Variants in EXOC6 observed in about 807,000 individuals in gnomAD.
EXOC6 encodes SEC15-like 1.
A neutral mutation model predicts 112.5 loss-of-function variants in EXOC6; 60 were observed. The observed-to-expected ratio is 0.53, with a 90% CI of 0.43 to 0.66. The LOEUF (loss-of-function observed/expected upper bound fraction) is 0.66. Ranked by LOEUF, EXOC6 falls within the 30% of genes least tolerant of loss-of-function variation. The pLI is 0.00. For synonymous variants in EXOC6, 295 were observed against 308.0 expected (o/e 0.96, Z 0.44); for missense variants, 855 against 957.1 (o/e 0.89, Z 1.41).
At chr10:92,928,488 C>A in intron 9 of EXOC6, 66 bp downstream of exon 9, 1 of 935,954 alleles carries the variant, frequency 1.1e-6, no homozygotes, top group Non-Finnish European at 1.7e-6. Flanking sequence ...GTTTTAATTT[C>A]TTCAAAGCAT....
At chr10:92,929,814 T>C (rs1041906187) in intron 9 of EXOC6, among the ~76,000 whole-genome samples, 1 of 152,076 alleles carries the variant, frequency 6.6e-6, no homozygotes, top group African/African-American at 2.4e-5. Flanking sequence ...GAAGGAAAAA[T>C]TACTGAAGTG....
At chr10:92,975,985 GC>G (rs1842574225) in intron 18 of EXOC6, among the ~76,000 whole-genome samples, 1 of 140,498 alleles carries the variant, frequency 7.1e-6, no homozygotes, top group South Asian at 2.3e-4. Flanking sequence ...CTGCCCAGCC[GC>G]CCCTACTGGG....
intron 20 of EXOC6, among the ~76,000 whole-genome samples, chr10:93,056,382 T>C (rs56280958): frequency 0.053 from 8,073 of 152,246 alleles, 357 homozygotes; most frequent in East Asian, 0.13. Flanking sequence ...CTACAGAGGA[T>C]CTATCACCAG....
At chr10:92,945,008 G>A (rs1339144894) in intron 13 of EXOC6, among the ~76,000 whole-genome samples, 1 of 152,042 alleles carries the variant, frequency 6.6e-6, no homozygotes, top group Admixed American at 6.6e-5. Context: ...CCGACCTCAG[G>A]TGATCTGCCT....
intron 19 of EXOC6, among the ~76,000 whole-genome samples, chr10:93,006,842 A>C: frequency 6.6e-6 from 1 of 152,230 alleles, no homozygotes; most frequent in East Asian, 1.9e-4. Flanking sequence ...TTATTTAGTT[A>C]CAGAATTATT....
intron 18 of EXOC6, among the ~76,000 whole-genome samples, chr10:92,991,695 T>A (rs968817266): frequency 1.3e-5 from 2 of 151,068 alleles, no homozygotes; most frequent in Non-Finnish European, 2.9e-5. Flanking sequence ...CAGGAAAAAA[T>A]TTTTCAACTT....
chr10:92,904,643 T>C (rs987497686), intron 5 of EXOC6, among the ~76,000 whole-genome samples: 4 of 152,102 alleles, frequency 2.6e-5, no homozygotes, highest in Non-Finnish European at 5.9e-5. Context: ...ATTTTTGGAT[T>C]GTTGAGTTTT....
rs1036233606 is a variant in EXOC6, at chr10:92,925,874, G to C, written c.889-2465G>C. Among the ~76,000 whole-genome samples, 10 of 151,924 alleles carry C rather than the reference G, an allele frequency of 6.6e-5. 1 individual carries two copies. Among genetic ancestry groups the C allele is most frequent in the African/African-American group, 2.4e-4 (10 of 41,344 alleles). On this transcript the variant is annotated intron_variant, in intron 8 of 21. Coordinates refer to ENST00000260762, the MANE Select transcript of EXOC6 (RefSeq NM_019053.6). ...AGAGATAGCTTGACATGCTGCCTAGGCTGATCATGAACTCCTGGCCTTGAG... is the reference window on the plus strand; with the variant it reads ...AGAGATAGCTTGACATGCTGCCTAGCCTGATCATGAACTCCTGGCCTTGAG...
At chr10:92,947,540 A>C (rs1210386844) in intron 13 of EXOC6, among the ~76,000 whole-genome samples, 1 of 152,202 alleles carries the variant, frequency 6.6e-6, no homozygotes, top group Non-Finnish European at 1.5e-5. Context: ...CATTGTTTTG[A>C]TCTTCAAGAG....
At chr10:93,028,892 G>A (rs973994621) in intron 20 of EXOC6, among the ~76,000 whole-genome samples, 7 of 150,678 alleles carry the variant, frequency 4.6e-5, no homozygotes, top group South Asian at 2.1e-4. Context: ...TGATAAAGAA[G>A]TGGCAGAATT....
chr10:92,952,975 A>G (rs182879299), intron 15 of EXOC6, among the ~76,000 whole-genome samples: 64 of 152,278 alleles, frequency 4.2e-4, no homozygotes, highest in Non-Finnish European at 7.5e-4. Context: ...ATATGGGTAC[A>G]TGTGTCTTTT....
At chr10:93,048,010 T>G (rs987432915) in intron 20 of EXOC6, among the ~76,000 whole-genome samples, 1 of 151,996 alleles carries the variant, frequency 6.6e-6, no homozygotes, top group Non-Finnish European at 1.5e-5. Flanking sequence ...AAATCCAGAT[T>G]TTTGGTTTCA....
At chr10:92,994,454 A>G (rs561849133) in intron 18 of EXOC6, among the ~76,000 whole-genome samples, 28 of 152,360 alleles carry the variant, frequency 1.8e-4, no homozygotes, top group African/African-American at 6.5e-4. Context: ...ATGTTAGAGC[A>G]GGGTAAAAAA....
chr10:92,950,984 T>C (rs1853372183), intron 14 of EXOC6, among the ~76,000 whole-genome samples: 1 of 152,158 alleles, frequency 6.6e-6, no homozygotes, highest in Non-Finnish European at 1.5e-5. Flanking sequence ...AGTTGCTGAT[T>C]ATGTGCATAT....
At chr10:93,019,938 A>G (rs1408907945) in intron 20 of EXOC6, among the ~76,000 whole-genome samples, 1 of 152,214 alleles carries the variant, frequency 6.6e-6, no homozygotes, top group African/African-American at 2.4e-5. Context: ...CCGTTTTTAA[A>G]AAGTCCATAT....
upstream of EXOC6, chr10:92,848,470 T>G (rs1236913962): frequency 2.3e-6 from 2 of 875,474 alleles, no homozygotes; most frequent in Non-Finnish European, 2.9e-6. Context: ...CTCGCGCCAC[T>G]TGGAGCTCGC....
chr10:92,938,080 C>G (rs2133965869), intron 12 of EXOC6, among the ~76,000 whole-genome samples: 1 of 152,100 alleles, frequency 6.6e-6, no homozygotes. Context: ...TCTTTGTAGA[C>G]TGTAATAAAT....
At chr10:92,840,579 G>A (rs1846810288) in intron 1 of EXOC6, among the ~76,000 whole-genome samples, 1 of 151,988 alleles carries the variant, frequency 6.6e-6, no homozygotes, top group Non-Finnish European at 1.5e-5. Context: ...TTGAAATTCT[G>A]AGCAGGTGTG....
At chr10:93,006,153 C>T (rs1009467340) in intron 19 of EXOC6, among the ~76,000 whole-genome samples, 1 of 151,672 alleles carries the variant, frequency 6.6e-6, no homozygotes, top group African/African-American at 2.4e-5. Flanking sequence ...GAGTGAGACC[C>T]TGTCTCAAAA....
Sources: gnomAD v4.1 joint callset for allele counts (sites outside exome capture counted in the v4.1 genomes callset) on GRCh38, gnomAD v4.1.1 for gene constraint, MANE v1.5 for transcripts, NCBI Gene and HGNC (gene_info 2026-07-23, HGNC 2026-07-21) for gene names.